Variants in TBC1D10A observed in about 807,000 individuals in gnomAD.
The protein encoded by TBC1D10A is TBC1 domain family member 10A, also known as EBP50-PDX interactor of 64 kDa.
In TBC1D10A, 24 loss-of-function variants were observed where a neutral mutation model predicts 52.9. The observed-to-expected ratio is 0.45, with a 90% CI of 0.33 to 0.64. TBC1D10A has a LOEUF of 0.64. TBC1D10A is among the 30% of genes least tolerant of loss of function. The pLI is 0.02. For synonymous variants in TBC1D10A, 278 were observed against 282.9 expected, an observed-to-expected ratio of 0.98 and a Z score of 0.17; for missense variants, 602 against 687.9, an observed-to-expected ratio of 0.88 and a Z score of 1.40.
Position 30,326,906 on chromosome 22 carries a change from T to C in TBC1D10A, c.-25A>G, listed in dbSNP as rs750052862. 585 of 1,449,456 alleles carry C rather than the reference T, an allele frequency of 4.0e-4. No homozygotes were observed. Among genetic ancestry groups the C allele is most frequent in the Non-Finnish European group, 3.9e-4 (426 of 1,106,186 alleles). The allele number at this position is 1,449,456 out of a possible 1,614,324, so 89.8% of individuals were successfully genotyped here. A position where few individuals can be genotyped will look rare whatever the true frequency, so the allele number is the denominator to read the frequency against. The stretch of plus-strand genomic sequence containing the variant: ...TCCCAGCCGCGCCCGCCGCCTGAGC[T>C]CCAGCGGCCACCTCAGCCGCCCTGC... On this transcript the variant is annotated 5_prime_UTR_variant, in exon 1 of 9. Transcript: ENST00000215790.
intron 1 of TBC1D10A, among the ~76,000 whole-genome samples, chr22:30,322,260 G>A (rs950481773): frequency 2.6e-4 from 40 of 152,134 alleles, no homozygotes; most frequent in South Asian, 1.2e-3. Context: ...GGATTACGGC[G>A]GTGAACCACT....
intron 2 of TBC1D10A, among the ~76,000 whole-genome samples, chr22:30,301,694 G>A (rs1245045919): frequency 2.0e-5 from 3 of 152,112 alleles, no homozygotes; most frequent in Non-Finnish European, 4.4e-5. Context: ...GGCCTTCCTG[G>A]GGACCAGTGC....
At chr22:30,293,201 C>G (rs1929990240) in intron 8 of TBC1D10A, 3 of 635,956 alleles carry the variant, frequency 4.7e-6, no homozygotes, top group African/African-American at 1.8e-5. Context: ...TGCTTAGGCT[C>G]AAATTCCAGC....
At position 30,293,787 on chromosome 22, in the gene TBC1D10A, CG is replaced by C; in HGVS notation, c.913del (p.Arg305GlyfsTer7). On this transcript the variant is annotated frameshift_variant, in exon 8 of 9. Coordinates refer to ENST00000215790, the MANE Select transcript of TBC1D10A (RefSeq NM_031937.3). LOFTEE classifies it high-confidence loss of function. ...FFCEGVKIIF[R>X]VGLVLLKHAL... Reference sequence around the variant, plus strand: ...GTGCTTCAGCAGCACCAGCCCCACCCGGAAGATGATCTTGACCCCTGCATGG... The same window carrying C: ...GTGCTTCAGCAGCACCAGCCCCACCCGAAGATGATCTTGACCCCTGCATGG... 6.2e-7 allele frequency: 1 copy of C among 1,611,816 alleles called. No individual in the cohort carries two copies. Among genetic ancestry groups the C allele is most frequent in the Non-Finnish European group, 8.5e-7 (1 of 1,178,530 alleles).
At chr22:30,310,709 A>T (rs998364907) in intron 1 of TBC1D10A, among the ~76,000 whole-genome samples, 1 of 152,214 alleles carries the variant, frequency 6.6e-6, no homozygotes, top group Non-Finnish European at 1.5e-5. Flanking sequence ...AATAGCTTTA[A>T]TTATCTCCAT....
intron 1 of TBC1D10A, among the ~76,000 whole-genome samples, chr22:30,322,894 C>A (rs1252600647): frequency 1.5e-5 from 2 of 131,482 alleles, no homozygotes; most frequent in South Asian, 5.0e-4. Context: ...AGCACCTAGT[C>A]TTTTTTTTTT....
rs763859766 is a variant in TBC1D10A, at chr22:30,299,444, G to A, written c.417C>T (p.Asp139=). The part of the protein sequence containing the change: ...VKLQQNPGKF[D]ELDMSPGDPK... ...GCAGGGCAAAGGAAGGGAAACTTAC[G>A]TCAAACTTTCCAGGGTTCTGCTGTA... is the stretch of plus-strand genomic sequence containing the variant. The change falls in exon 3 of 9, where the codon GAC becomes GAT. Residue 139 remains aspartate (D), a splice_region_variant and synonymous_variant. Transcript: ENST00000215790. 38 of 1,613,934 alleles carry A rather than the reference G, an allele frequency of 2.4e-5. No individual in the cohort carries two copies. The East Asian group carries it at 3.1e-4, about 13-fold the overall frequency.
At position 30,292,345 on chromosome 22, in the gene TBC1D10A, ACCCCG is replaced by A. The variant is rs779583328; in HGVS notation, c.*25_*29del. 1 of 1,510,170 alleles carries A rather than the reference ACCCCG, an allele frequency of 6.6e-7. No individual in the cohort carries two copies. Among genetic ancestry groups the A allele is most frequent in the East Asian group, 2.3e-5 (1 of 43,866 alleles). The allele number at this position is 1,510,170 out of a possible 1,614,324, so 93.5% of individuals were successfully genotyped here. On this transcript the variant is annotated 3_prime_UTR_variant, in exon 9 of 9. Transcript: ENST00000215790. Reference sequence around the variant, plus strand: ...TCATGAACCGTGTAGTTATATGGAGACCCCGCCCTGGAGGCCTTAGCTGCCAGGGT... The same window carrying A: ...TCATGAACCGTGTAGTTATATGGAGACCCTGGAGGCCTTAGCTGCCAGGGT...
intron 3 of TBC1D10A, chr22:30,298,329 C>T (rs369556881): frequency 3.9e-5 from 6 of 152,350 alleles, no homozygotes; most frequent in Admixed American, 2.0e-4. Context: ...TCCAGTGTGG[C>T]CTGGTATTGG....
At chr22:30,307,752 A>G (rs551241908) in intron 1 of TBC1D10A, 14 of 152,286 alleles carry the variant, frequency 9.2e-5, no homozygotes, top group African/African-American at 2.9e-4. Context: ...CCTTTATCAC[A>G]TGTACCTTTT....
chr22:30,299,396 C>T (rs374315539), intron 3 of TBC1D10A, 48 bp downstream of exon 3: 20 of 1,580,230 alleles, frequency 1.3e-5, no homozygotes, highest in Non-Finnish European at 1.5e-5. Flanking sequence ...ATGGGGAGGA[C>T]GCCAAGAGAT....
chr22:30,324,995 TGCAACTG>T (rs1348349007), intron 1 of TBC1D10A, among the ~76,000 whole-genome samples: 1 of 152,220 alleles, frequency 6.6e-6, no homozygotes, highest in African/African-American at 2.4e-5. Context: ...GTCCCATAAA[TGCAACTG>T]GGAACTCCTT....
At position 30,293,711 on chromosome 22, in the gene TBC1D10A, G is replaced by A. The variant is rs781298857; in HGVS notation, c.990C>T (p.Thr330=). 3.1e-6 allele frequency: 5 copies of A among 1,612,998 alleles called. No individual in the cohort carries two copies. Among genetic ancestry groups the A allele is most frequent in the Non-Finnish European group, 4.2e-6 (5 of 1,179,368 alleles). The stretch of plus-strand genomic sequence containing the variant: ...GGCTGAGGCTCCGCAGTCGCTCGAT[G>A]GTCTCGTACTGGCCCTGGCAGGCTT... ...KVKACQGQYE[T]IERLRSLSPK... The change falls in exon 8 of 9, where the codon ACC becomes ACT. Residue 330 remains threonine (T), a synonymous_variant. Transcript: ENST00000215790.
Position 30,299,567 on chromosome 22 carries a change from A to G in TBC1D10A, c.310-16T>C. 6.2e-7 allele frequency: 1 copy of G among 1,613,274 alleles called. No individual in the cohort carries two copies. Among genetic ancestry groups the G allele is most frequent in the East Asian group, 2.2e-5 (1 of 44,862 alleles). On this transcript the variant is annotated splice_polypyrimidine_tract_variant and intron_variant, in intron 2 of 8. Transcript: ENST00000215790. The stretch of plus-strand genomic sequence containing the variant: ...GCAGACGAATCTGAAAATCAAAAGG[A>G]CAGCTGAGCCCATGCAGCCACCCAG...
intron 4 of TBC1D10A, 146 bp downstream of exon 4, chr22:30,295,591 T>G: frequency 1.4e-6 from 1 of 724,196 alleles, no homozygotes. Flanking sequence ...AGAACACACA[T>G]CAGACTCAAA....
chr22:30,314,652 T>C (rs1013895257), intron 1 of TBC1D10A, among the ~76,000 whole-genome samples: 1 of 151,628 alleles, frequency 6.6e-6, no homozygotes, highest in Non-Finnish European at 1.5e-5. Context: ...TCTACAAAAT[T>C]GTTTTAAAAA....
chr22:30,297,581 A>AG lies in TBC1D10A; in HGVS notation c.418-1739dup, dbSNP rs1344007325. 6.6e-6 allele frequency: 1 copy of AG among 152,174 alleles called. No individual in the cohort carries two copies. Among genetic ancestry groups the AG allele is most frequent in the Non-Finnish European group, 1.5e-5 (1 of 68,040 alleles). 9.4% of individuals were successfully genotyped at this position (152,174 alleles called of 1,614,324 possible). A position where few individuals can be genotyped will look rare whatever the true frequency, so the allele number is the denominator to read the frequency against. ...GGGGCCTGTAGCCTCCACCAGCCTG[A>AG]GGGGTACTGGCGCCATCATAAGGTG... On this transcript the variant is annotated intron_variant, in intron 3 of 8. Coordinates refer to ENST00000215790, the MANE Select transcript of TBC1D10A (RefSeq NM_031937.3). The surrounding 1 kb of genome is among the most constrained non-coding windows in gnomAD (Gnocchi z 4.3).
intron 1 of TBC1D10A, among the ~76,000 whole-genome samples, chr22:30,308,878 T>C (rs1930371087): frequency 6.6e-6 from 1 of 152,230 alleles, no homozygotes; most frequent in Non-Finnish European, 1.5e-5. Context: ...GATTAATTAC[T>C]ATTTCCATTT....
rs148180975 is a variant in TBC1D10A at position 30,295,001 on chromosome 22, C to G, written c.579G>C (p.Glu193Asp). The change falls in exon 5 of 9, where the codon GAG (glutamate) becomes GAC (aspartate). Residue 193 changes from glutamate (E) to aspartate (D), a missense_variant. Around this residue, in one of 3 missense-constraint regions of TBC1D10A, gnomAD observed 136 missense variants for 208.4 expected, o/e 0.65. Coordinates refer to ENST00000215790, the MANE Select transcript of TBC1D10A (RefSeq NM_031937.3). ...TGGGCGCCTGGGCCTGGCAGTAGCC[C>G]TCCTCGGGCCGGTACAGCGTGTAGG... The part of the protein sequence containing the change: ...LKAYTLYRPE[E>D]GYCQAQAPIA... 6 of 1,613,964 alleles carry G rather than the reference C, an allele frequency of 3.7e-6. No individual in the cohort carries two copies. The Admixed American group carries it at 6.7e-5, about 18-fold the overall frequency.
Sources: gnomAD v4.1 joint callset for allele counts (sites outside exome capture counted in the v4.1 genomes callset) on GRCh38, gnomAD v4.1.1 for gene constraint, gnomAD v4.1.1 regional missense constraint, Gnocchi (gnomAD v3.1) non-coding constraint, MANE v1.5 for transcripts, NCBI Gene and HGNC (gene_info 2026-07-23, HGNC 2026-07-21) for gene names.